Variants in CACNA1E observed in about 807,000 individuals in gnomAD.
CACNA1E encodes the protein voltage-dependent R-type calcium channel subunit alpha-1E.
Under a neutral mutation model 259.2 loss-of-function variants are expected in CACNA1E, and 40 were observed. That is an observed-to-expected ratio of 0.15 (90% CI 0.12 to 0.20). The LOEUF (loss-of-function observed/expected upper bound fraction) is 0.20. Ranked by LOEUF, CACNA1E falls within the 10% of genes least tolerant of loss-of-function variation. CACNA1E has a pLI of 1.00. For missense variants in CACNA1E, 1,874 were observed against 3,040.1 expected, an observed-to-expected ratio of 0.62 and a Z score of 9.02; for synonymous variants, 1,104 against 1,138.5, an observed-to-expected ratio of 0.97 and a Z score of 0.61.
chr1:181,482,807 C>T (rs561962050), upstream of CACNA1E, among the ~76,000 whole-genome samples: 1 of 152,242 alleles, frequency 6.6e-6, no homozygotes, highest in Non-Finnish European at 1.5e-5. Flanking sequence ...CCTCGCCCGC[C>T]GGTGCTCGCC....
intron 45 of CACNA1E, among the ~76,000 whole-genome samples, chr1:181,794,399 A>T (rs1462415123): frequency 6.6e-6 from 1 of 152,198 alleles, no homozygotes; most frequent in Non-Finnish European, 1.5e-5. Flanking sequence ...AAGCTCTCCT[A>T]GGCTCTAGTG....
intron 6 of CACNA1E, among the ~76,000 whole-genome samples, chr1:181,594,791 T>G (rs929531941): frequency 7.9e-5 from 12 of 152,178 alleles, no homozygotes; most frequent in Non-Finnish European, 1.2e-4. Context: ...CTTCTATTAA[T>G]TAGGAACACC....
chr1:181,716,499 C>A (rs576158446), intron 10 of CACNA1E, among the ~76,000 whole-genome samples: 1 of 152,150 alleles, frequency 6.6e-6, no homozygotes. Flanking sequence ...TCCAGGGACA[C>A]GGATGTGAGA....
chr1:181,451,039 GAGACAGAGAA>G (rs919705246), intron 2 of CACNA1E, among the ~76,000 whole-genome samples: 12 of 152,362 alleles, frequency 7.9e-5, no homozygotes, highest in Admixed American at 7.8e-4. Context: ...GATGGCTACA[GAGACAGAGAA>G]GGCAGCACAA....
chr1:181,658,597 CT>C (rs200149819), intron 7 of CACNA1E, among the ~76,000 whole-genome samples: 1,721 of 152,260 alleles, frequency 0.011, 15 homozygotes, highest in Non-Finnish European at 0.014. Context: ...GTGGCATCAC[CT>C]GCTTAACGGC....
At chr1:181,576,047 G>C (rs955967180) in intron 3 of CACNA1E, among the ~76,000 whole-genome samples, 1 of 152,146 alleles carries the variant, frequency 6.6e-6, no homozygotes, top group Non-Finnish European at 1.5e-5. Context: ...GGAAGATAGA[G>C]TCAAAAGGAG....
At chr1:181,477,489 T>C (rs1353027500) in intron 2 of CACNA1E, among the ~76,000 whole-genome samples, 2 of 152,266 alleles carry the variant, frequency 1.3e-5, no homozygotes, top group African/African-American at 4.8e-5. Context: ...GAGTATTTGT[T>C]AAATGGGTTT....
At chr1:181,790,691 G>A (rs1409038984) in intron 44 of CACNA1E, 135 bp downstream of exon 44, 2 of 648,250 alleles carry the variant, frequency 3.1e-6, no homozygotes, top group East Asian at 2.8e-5. Context: ...GAGGTGTCCT[G>A]CCTTAGCCCT....
chr1:181,774,867 T>A (rs1659837140), intron 37 of CACNA1E, among the ~76,000 whole-genome samples: 1 of 152,214 alleles, frequency 6.6e-6, no homozygotes, highest in Admixed American at 6.5e-5. Flanking sequence ...CAGGACCCTT[T>A]CACTTACAAG....
At chr1:181,724,379 G>A in intron 16 of CACNA1E, 91 bp from the exon 17 acceptor site, 4 of 983,524 alleles carry the variant, frequency 4.1e-6, no homozygotes, top group Non-Finnish European at 6.4e-6. Context: ...TCCTGTTAAT[G>A]TCCCAGGCAG....
chr1:181,534,350 G>A (rs183545118), intron 3 of CACNA1E, among the ~76,000 whole-genome samples: 20 of 152,136 alleles, frequency 1.3e-4, no homozygotes, highest in Admixed American at 3.9e-4. Context: ...TTTAGTACTA[G>A]CAATAAGCTT....
intron 6 of CACNA1E, among the ~76,000 whole-genome samples, chr1:181,619,924 G>C (rs1041201490): frequency 6.6e-6 from 1 of 152,218 alleles, no homozygotes; most frequent in Non-Finnish European, 1.5e-5. Context: ...AGGTTTAAAC[G>C]TGAAGTTGGA....
intron 7 of CACNA1E, among the ~76,000 whole-genome samples, chr1:181,665,804 A>G (rs563448660): frequency 1.1e-4 from 16 of 152,294 alleles, no homozygotes; most frequent in African/African-American, 3.8e-4. Flanking sequence ...TAAGAGACAG[A>G]CCTGGATTTA....
At chr1:181,416,908 C>A (rs762022149) in intron 2 of CACNA1E, among the ~76,000 whole-genome samples, 3 of 152,144 alleles carry the variant, frequency 2.0e-5, no homozygotes, top group Non-Finnish European at 4.4e-5. Flanking sequence ...CAGCTGCTGG[C>A]AGTTCTTAGT....
chr1:181,450,174 G>A (rs1661061449), intron 2 of CACNA1E, among the ~76,000 whole-genome samples: 1 of 152,172 alleles, frequency 6.6e-6, no homozygotes, highest in Admixed American at 6.5e-5. Context: ...GATTTCATGA[G>A]AATTCACTAT....
At chr1:181,619,945 A>G (rs1041150658) in intron 6 of CACNA1E, among the ~76,000 whole-genome samples, 3 of 152,176 alleles carry the variant, frequency 2.0e-5, no homozygotes, top group African/African-American at 7.2e-5. Flanking sequence ...GGTGGCTACT[A>G]GACATCCATA....
At chr1:181,624,747 G>A (rs1012630583) in intron 6 of CACNA1E, among the ~76,000 whole-genome samples, 6 of 152,054 alleles carry the variant, frequency 3.9e-5, no homozygotes, top group East Asian at 3.9e-4. Context: ...TGTTAATATT[G>A]ATATTTTTAC....
At chr1:181,368,974 T>G (rs1654491106) in intron 1 of CACNA1E, among the ~76,000 whole-genome samples, 1 of 152,166 alleles carries the variant, frequency 6.6e-6, no homozygotes, top group Admixed American at 6.5e-5. Context: ...TAGATTCTTT[T>G]AAAATTACTG....
At chr1:181,595,963 T>C (rs2103042044) in intron 6 of CACNA1E, among the ~76,000 whole-genome samples, 1 of 152,356 alleles carries the variant, frequency 6.6e-6, no homozygotes, top group Non-Finnish European at 1.5e-5. Context: ...GACCTCTCTT[T>C]TATATCCAGG....
Sources: allele counts gnomAD v4.1 joint callset (sites outside exome capture counted in the v4.1 genomes callset), GRCh38; gene constraint gnomAD v4.1.1; transcripts MANE v1.5; gene names NCBI Gene and HGNC (gene_info 2026-07-23, HGNC 2026-07-21).